Variants in ZNF415 observed in about 807,000 individuals in gnomAD.
ZNF415 encodes zinc finger protein 415.
Under a neutral mutation model 7.3 loss-of-function variants are expected in ZNF415, and 5 were observed. The ratio of observed to expected loss-of-function variants is 0.69; its 90% confidence interval spans 0.36 to 1.44. ZNF415 has a LOEUF of 1.44. ZNF415 is among the 40% of genes most tolerant of loss of function. The probability of loss-of-function intolerance (pLI) is 0.04; values close to 1 mark genes in which losing one functional copy is unlikely to be tolerated. For synonymous variants in ZNF415, 207 were observed against 226.3 expected (o/e 0.91, Z 0.77); for missense variants, 628 against 664.8 (o/e 0.94, Z 0.61).
chr19:53,112,163 C>G (rs1473488115), intron 3 of ZNF415, among the ~76,000 whole-genome samples: 1 of 152,104 alleles, frequency 6.6e-6, no homozygotes, highest in African/African-American at 2.4e-5. Flanking sequence ...AGGCTGGTTT[C>G]GAACTCCTGA....
chr19:53,122,595 C>A (rs371542249), intron 2 of ZNF415, 67 bp downstream of exon 2: 3 of 1,611,182 alleles, frequency 1.9e-6, no homozygotes, highest in Non-Finnish European at 2.5e-6. Context: ...TTTGCAGCTC[C>A]AAGGCATTGT....
Position 53,122,368 on chromosome 19 carries a change from T to G in ZNF415, c.15+294A>C, listed in dbSNP as rs891918623. The G allele has an allele frequency of 3.9e-6, 6 of 1,533,060 alleles. No individual in the cohort carries two copies. The African/African-American group carries it at 8.2e-5, about 21-fold the overall frequency. 95.0% of individuals were successfully genotyped at this position (1,533,060 alleles called of 1,614,324 possible). ...CCAAATGTGGCCCCTGAACAATCCC[T>G]GCTGCCCAACAGCACTGACACCACG... is the stretch of plus-strand genomic sequence containing the variant. On this transcript the variant is annotated intron_variant, in intron 2 of 3. Coordinates refer to ENST00000243643, the MANE Select transcript of ZNF415 (RefSeq NM_018355.4).
At chr19:53,118,278 G>C (rs1249442289) in intron 2 of ZNF415, among the ~76,000 whole-genome samples, 2 of 152,092 alleles carry the variant, frequency 1.3e-5, no homozygotes, top group Non-Finnish European at 2.9e-5. Context: ...AAACATATAT[G>C]CACCCAACAC....
At chr19:53,122,590 A>G in intron 2 of ZNF415, 72 bp downstream of exon 2, 1 of 1,609,172 alleles carries the variant, frequency 6.2e-7, no homozygotes, top group Non-Finnish European at 8.5e-7. Context: ...GAAGATTTGC[A>G]GCTCCAAGGC....
chr19:53,121,725 C>G (rs943088673), intron 2 of ZNF415, among the ~76,000 whole-genome samples: 11 of 151,958 alleles, frequency 7.2e-5, no homozygotes, highest in African/African-American at 2.7e-4. Context: ...CTCGGCCTTA[C>G]AGTTACACTT....
chr19:53,110,892 C>A (rs1439081666), intron 3 of ZNF415, among the ~76,000 whole-genome samples: 3 of 152,226 alleles, frequency 2.0e-5, no homozygotes, highest in Non-Finnish European at 4.4e-5. Context: ...CAATTCCCTA[C>A]ATATGCATTG....
chr19:53,109,309 A>G lies in ZNF415; in HGVS notation c.736T>C (p.Cys246Arg), dbSNP rs191397619. Residue 246 changes from cysteine to arginine, a missense_variant, in exon 4 of 4, where the codon TGT (cysteine) becomes CGT (arginine). Cys to Arg is a radical substitution (Grantham distance 180, BLOSUM62 -3). Coordinates refer to ENST00000243643, the MANE Select transcript of ZNF415 (RefSeq NM_018355.4). ...CTAAAGACCTTGCCACACAGATCAC[A>G]TTTATATCCTTTCTCTCCAGAATGA... ...VSHSGEKGYKCDLCGKVFSQK... is the reference protein window; with the variant it reads ...VSHSGEKGYKRDLCGKVFSQK... 6.3e-5 allele frequency: 102 copies of G among 1,614,164 alleles called. No homozygotes were observed. The East Asian group carries it at 2.0e-3, about 32-fold the overall frequency.
At chr19:53,116,646 C>T (rs11084220) in intron 2 of ZNF415, among the ~76,000 whole-genome samples, 58,057 of 143,784 alleles carry the variant, frequency 0.4, 12,366 homozygotes, top group East Asian at 0.62. Flanking sequence ...GACAAGGTCT[C>T]GCTCTGCTGC....
chr19:53,116,593 A>G lies in ZNF415; in HGVS notation c.16-160T>C, dbSNP rs561349843. Among the ~76,000 whole-genome samples, 283 of 145,610 alleles carry G rather than the reference A, an allele frequency of 1.9e-3. 2 individuals carry two copies. The highest frequency in any genetic ancestry group is 6.9e-3 in the African/African-American group (266 of 38,564). The stretch of plus-strand genomic sequence containing the variant: ...TATTTTTGAGTACATATCTCTCCCT[A>G]ATTGTGGTTTTTTTTCTCTCTTTTT... On this transcript the variant is annotated intron_variant, in intron 2 of 3. Transcript: ENST00000243643.
In ZNF415 at chr19:53,109,871, T is replaced by C; in HGVS notation, c.174A>G (p.Pro58=). 6.2e-7 allele frequency: 1 copy of C among 1,606,474 alleles called. No individual in the cohort carries two copies. The highest frequency in any genetic ancestry group is 1.1e-5 in the South Asian group (1 of 89,258). Reference sequence around the variant, plus strand: ...CTTCTCCTGGGTTACCTTCCTGTTGTGGTGCTAGTTCCTTGATTACACAGT... The same window carrying C: ...CTTCTCCTGGGTTACCTTCCTGTTGCGGTGCTAGTTCCTTGATTACACAGT... ...SRNCVIKELA[P]QQEGNPGEVF... is the part of the protein sequence containing the mutation. Residue 58 remains proline, a synonymous_variant, in exon 4 of 4, where the codon CCA becomes CCG. Transcript: ENST00000243643.
intron 2 of ZNF415, among the ~76,000 whole-genome samples, chr19:53,116,660 G>A (rs1193289854): frequency 6.8e-6 from 1 of 147,400 alleles, no homozygotes; most frequent in Non-Finnish European, 1.5e-5. Context: ...CTGCTGCCCA[G>A]GCTGAAGTGC....
At chr19:53,121,862 C>T (rs2088136991) in intron 2 of ZNF415, among the ~76,000 whole-genome samples, 1 of 152,120 alleles carries the variant, frequency 6.6e-6, no homozygotes, top group African/African-American at 2.4e-5. Flanking sequence ...TACTGATATA[C>T]TAGTTTTATC....
At chr19:53,131,588 C>T (rs1224989878) in intron 1 of ZNF415, among the ~76,000 whole-genome samples, 1 of 152,078 alleles carries the variant, frequency 6.6e-6, no homozygotes, top group African/African-American at 2.4e-5. Context: ...TTCTCACCTT[C>T]TTTCTCTAGC....
intron 2 of ZNF415, among the ~76,000 whole-genome samples, chr19:53,120,802 T>C (rs537102956): frequency 6.6e-6 from 1 of 152,130 alleles, no homozygotes; most frequent in East Asian, 1.9e-4. Context: ...GTTTAAAAAC[T>C]TGGCTGGGCG....
chr19:53,131,550 C>T (rs571433889), intron 1 of ZNF415, among the ~76,000 whole-genome samples: 232 of 152,168 alleles, frequency 1.5e-3, no homozygotes, highest in African/African-American at 5.3e-3. Flanking sequence ...TGGTGTGTTT[C>T]CCTCCCTCGT....
chr19:53,118,427 T>C (rs1192539246), intron 2 of ZNF415, among the ~76,000 whole-genome samples: 1 of 152,122 alleles, frequency 6.6e-6, no homozygotes, highest in African/African-American at 2.4e-5. Context: ...GAATTTAAAC[T>C]GCACTTTAGA....
intron 3 of ZNF415, among the ~76,000 whole-genome samples, chr19:53,110,733 GA>G (rs560733704): frequency 1.3e-5 from 2 of 152,326 alleles, no homozygotes; most frequent in Admixed American, 1.3e-4. Context: ...CACAACCTGT[GA>G]ACTGGAATAT....
chr19:53,122,319 G>C, intron 2 of ZNF415: 1 of 1,336,554 alleles, frequency 7.5e-7, no homozygotes, highest in Non-Finnish European at 1.0e-6. Context: ...TCTATTCCTG[G>C]GCTACGGAGA....
At position 53,116,416 on chromosome 19, in the gene ZNF415, C is replaced by A; in HGVS notation, c.33G>T (p.Val11=). The change falls in exon 3 of 4, where the codon GTG becomes GTT. Residue 11 remains valine (V), a synonymous_variant. Transcript: ENST00000243643. MAFTQLTFRD[V]AIEFSQDEWK... is the part of the protein sequence containing the mutation. ...ACTCATCTTGAGAGAATTCGATGGCCACGTCCCTGAATGTCAACTGTCCGT... is the reference window on the plus strand; with the variant it reads ...ACTCATCTTGAGAGAATTCGATGGCAACGTCCCTGAATGTCAACTGTCCGT... The A allele has an allele frequency of 6.2e-7, 1 of 1,614,062 alleles. No homozygotes were observed.
Sources: gnomAD v4.1 joint callset for allele counts (sites outside exome capture counted in the v4.1 genomes callset) on GRCh38, gnomAD v4.1.1 for gene constraint, MANE v1.5 for transcripts, NCBI Gene and HGNC (gene_info 2026-07-23, HGNC 2026-07-21) for gene names.